Variants in RFTN2 observed in about 807,000 individuals in gnomAD.
RFTN2 encodes raftlin-2.
RFTN2 carries 34 observed loss-of-function variants against 52.7 expected under a neutral mutation model. The ratio of observed to expected loss-of-function variants is 0.64; its 90% CI spans 0.49 to 0.86. The LOEUF (loss-of-function observed/expected upper bound fraction) is 0.86, where lower values mean the gene tolerates loss of function less well. Ranked by LOEUF, RFTN2 falls within the 40% of genes least tolerant of loss-of-function variation. RFTN2 has a pLI of 0.00. For missense variants in RFTN2, 536 were observed against 600.1 expected, an observed-to-expected ratio of 0.89 and a Z score of 1.12; for synonymous variants, 203 against 217.7, an observed-to-expected ratio of 0.93 and a Z score of 0.59.
intron 5 of RFTN2, among the ~76,000 whole-genome samples, chr2:197,618,746 C>A (rs997363879): frequency 7.4e-5 from 11 of 149,010 alleles, no homozygotes; most frequent in African/African-American, 2.5e-4. Flanking sequence ...CCGCCCCGTC[C>A]GGGATGTGAG....
rs1033111875 is a variant in RFTN2, at chr2:197,586,945, A to G, written c.1233+9046T>C. Among the ~76,000 whole-genome samples the G allele has an allele frequency of 3.3e-5, 5 of 152,198 alleles. No homozygotes were observed. In the East Asian group the frequency reaches 9.6e-4, roughly 29 times the overall value. ...TAAAAAAACTCAAGGATAGAGCACC[A>G]AAACTCTCCAACCAAGCAAGTAATT... On this transcript the variant is annotated intron_variant, in intron 8 of 8. Coordinates refer to ENST00000295049, the MANE Select transcript of RFTN2 (RefSeq NM_144629.3).
chr2:197,626,562 C>CAAATAAATAAAT (rs138860159), intron 5 of RFTN2, among the ~76,000 whole-genome samples: 6,249 of 123,974 alleles, frequency 0.05, 337 homozygotes, highest in African/African-American at 0.14. Context: ...ACCCCATCTA[C>CAAATAAATAAAT]AAATAAATAA....
chr2:197,623,320 AG>A (rs2088299051), intron 5 of RFTN2, among the ~76,000 whole-genome samples: 1 of 152,248 alleles, frequency 6.6e-6, no homozygotes, highest in African/African-American at 2.4e-5. Flanking sequence ...TCAAGACTTC[AG>A]TGGAGAAAGT....
Position 197,617,857 on chromosome 2 carries a change from T to C in RFTN2, c.993A>G (p.Pro331=), listed in dbSNP as rs2088171880. ...FIYEEEGSGV[P]GSSRKGNDAI... is the part of the protein sequence containing the mutation. ...CATCATTTCCTTTCCTACTAGAACC[T>C]GGAACTCCAGAACCTTCTTCTTCAT... Residue 331 remains proline, a synonymous_variant, in exon 6 of 9, where the codon CCA becomes CCG. Transcript: ENST00000295049. 6.2e-7 allele frequency: 1 copy of C among 1,608,778 alleles called. No individual in the cohort carries two copies. Among genetic ancestry groups the C allele is most frequent in the South Asian group, 1.1e-5 (1 of 90,934 alleles).
chr2:197,608,399 C>T (rs2087996535), intron 7 of RFTN2, among the ~76,000 whole-genome samples: 1 of 151,278 alleles, frequency 6.6e-6, no homozygotes, highest in South Asian at 2.1e-4. Context: ...GCAACCCCTG[C>T]CTCCCTGGTT....
At chr2:197,602,981 C>A (rs2087902760) in intron 7 of RFTN2, among the ~76,000 whole-genome samples, 1 of 152,118 alleles carries the variant, frequency 6.6e-6, no homozygotes, top group African/African-American at 2.4e-5. Flanking sequence ...GGACAAAAAA[C>A]CAAACATAGC....
chr2:197,622,840 T>A (rs1318089479), intron 5 of RFTN2, among the ~76,000 whole-genome samples: 1 of 152,204 alleles, frequency 6.6e-6, no homozygotes, highest in African/African-American at 2.4e-5. Flanking sequence ...CTGCCTGTGA[T>A]CTAGACATGG....
rs1385235109 is a variant in RFTN2 at position 197,625,315 on chromosome 2, G to C, written c.928+5696C>G. ...ACCCTGGTTTGAAAAGCACATGTTT[G>C]AAGGGCTCCCAGGGAATGGTTTACT... On this transcript the variant is annotated intron_variant, in intron 5 of 8. Coordinates refer to ENST00000295049, the MANE Select transcript of RFTN2 (RefSeq NM_144629.3). Among the ~76,000 whole-genome samples, 6 of 152,172 alleles carry C rather than the reference G, an allele frequency of 3.9e-5. No individual in the cohort carries two copies. In the East Asian group the frequency reaches 9.6e-4, roughly 24 times the overall value.
At chr2:197,633,687 A>G in intron 4 of RFTN2, 31 bp downstream of exon 4, 1 of 1,579,388 alleles carries the variant, frequency 6.3e-7, no homozygotes, top group Non-Finnish European at 8.7e-7. Flanking sequence ...AAACTATAGT[A>G]TATTCTCTTT....
chr2:197,636,985 C>A (rs1362083571), intron 3 of RFTN2, among the ~76,000 whole-genome samples: 1 of 152,134 alleles, frequency 6.6e-6, no homozygotes, highest in Non-Finnish European at 1.5e-5. Flanking sequence ...TTTTCTGCAT[C>A]TATTGAGATA....
chr2:197,627,016 T>C (rs1266929774), intron 5 of RFTN2, among the ~76,000 whole-genome samples: 1 of 152,190 alleles, frequency 6.6e-6, no homozygotes, highest in Admixed American at 6.5e-5. Flanking sequence ...ACAAAATAGA[T>C]GTTAGCTGCT....
chr2:197,654,861 G>C (rs908381425), intron 1 of RFTN2, among the ~76,000 whole-genome samples: 4 of 152,014 alleles, frequency 2.6e-5, no homozygotes, highest in Admixed American at 2.0e-4. Context: ...GCCTGGAGTG[G>C]TGGTGCATGC....
intron 7 of RFTN2, among the ~76,000 whole-genome samples, chr2:197,600,233 T>C (rs910879158): frequency 2.0e-5 from 3 of 152,070 alleles, no homozygotes; most frequent in African/African-American, 4.8e-5. Context: ...GGAGTGCTGT[T>C]TGGGGAGTCT....
intron 2 of RFTN2, among the ~76,000 whole-genome samples, chr2:197,645,044 G>A (rs1010564188): frequency 6.6e-6 from 1 of 151,960 alleles, no homozygotes; most frequent in African/African-American, 2.4e-5. Flanking sequence ...AGTGATTGTT[G>A]TTGATCCATC....
At chr2:197,618,581 T>A (rs2088191571) in intron 5 of RFTN2, among the ~76,000 whole-genome samples, 1 of 141,850 alleles carries the variant, frequency 7.0e-6, no homozygotes, top group Admixed American at 7.2e-5. Flanking sequence ...TCTGCCTGGC[T>A]GCCCAGTCTG....
intron 8 of RFTN2, among the ~76,000 whole-genome samples, chr2:197,589,192 A>G (rs2087649189): frequency 8.5e-6 from 1 of 117,774 alleles, no homozygotes; most frequent in Non-Finnish European, 1.6e-5. Context: ...ATTGCACCCC[A>G]GCCTGGGTGA....
At chr2:197,629,989 G>A (rs1449607600) in intron 5 of RFTN2, among the ~76,000 whole-genome samples, 5 of 152,178 alleles carry the variant, frequency 3.3e-5, no homozygotes, top group Admixed American at 1.3e-4. Flanking sequence ...CTCCCAAAGT[G>A]CTGGGATTAC....
chr2:197,670,736 C>T (rs1312769955), intron 1 of RFTN2, among the ~76,000 whole-genome samples: 2 of 151,716 alleles, frequency 1.3e-5, no homozygotes, highest in Non-Finnish European at 2.9e-5. Context: ...CATCTATAAA[C>T]TGCCTCTACT....
At position 197,608,818 on chromosome 2, in the gene RFTN2, T is replaced by C. The variant is rs532896423; in HGVS notation, c.1154+7058A>G. 1.5e-3 allele frequency among the ~76,000 whole-genome samples: 227 copies of C among 151,942 alleles called. 1 individual carries two copies. Among genetic ancestry groups the C allele is most frequent in the African/African-American group, 5.3e-3 (219 of 41,438 alleles). Reference sequence around the variant, plus strand: ...CCACAACAGGCCCCAGTGTGTGATGTTCCCCTCCCTGTGTCCAAGTGTTCT... The same window carrying C: ...CCACAACAGGCCCCAGTGTGTGATGCTCCCCTCCCTGTGTCCAAGTGTTCT... On this transcript the variant is annotated intron_variant, in intron 7 of 8. Transcript: ENST00000295049.
Sources: gnomAD v4.1 joint callset for allele counts (sites outside exome capture counted in the v4.1 genomes callset) on GRCh38, gnomAD v4.1.1 for gene constraint, MANE v1.5 for transcripts, NCBI Gene and HGNC (gene_info 2026-07-23, HGNC 2026-07-21) for gene names.